Variants in C2orf66 observed in about 807,000 individuals in gnomAD.
C2orf66 encodes the protein chromosome 2 open reading frame 66, also known as uncharacterized protein C2orf66.
Under a neutral mutation model 7.0 loss-of-function variants are expected in C2orf66, and 6 were observed. The observed-to-expected ratio is 0.86, with a 90% confidence interval of 0.47 to 1.69. The LOEUF (loss-of-function observed/expected upper bound fraction) is 1.69. Among genes scored for constraint, C2orf66 ranks in the 40% most tolerant of loss-of-function variants. The pLI is 0.01. For synonymous variants in C2orf66, 38 were observed against 43.8 expected (o/e 0.87, Z 0.52); for missense variants, 107 against 112.0 (o/e 0.96, Z 0.20).
the C2orf66 span, among the ~76,000 whole-genome samples, chr2:196,820,261 T>C: frequency 9.2e-5 from 14 of 152,246 alleles, no homozygotes; most frequent in South Asian, 2.9e-3. Flanking sequence ...ATTTATTTGT[T>C]TTTCCCCTCC....
At chr2:196,807,718 T>A in intron 1 of C2orf66, 96 bp from the exon 2 acceptor site, 1 of 1,011,698 alleles carries the variant, frequency 9.9e-7, no homozygotes, top group Non-Finnish European at 1.5e-6. Flanking sequence ...GAATTGACTT[T>A]AAGGCTAATC....
At chr2:196,825,370 C>T in the C2orf66 span, among the ~76,000 whole-genome samples, 1 of 152,080 alleles carries the variant, frequency 6.6e-6, no homozygotes, top group Non-Finnish European at 1.5e-5. Context: ...GATAACACCT[C>T]ACATGTTAGA....
the C2orf66 span, among the ~76,000 whole-genome samples, chr2:196,825,222 CAAAAAAAAAAA>C: frequency 3.7e-5 from 2 of 54,304 alleles, no homozygotes; most frequent in Non-Finnish European, 7.5e-5. Flanking sequence ...GACTCTGTCT[CAAAAAAAAAAA>C]AAAAAAAAAA....
chr2:196,812,452 T>C (rs1043589828), upstream of C2orf66, among the ~76,000 whole-genome samples: 2 of 152,136 alleles, frequency 1.3e-5, no homozygotes, highest in South Asian at 2.1e-4. Context: ...AAGAGCTATT[T>C]ATCACAAACC....
chr2:196,831,699 G>A, the C2orf66 span, among the ~76,000 whole-genome samples: 2 of 152,080 alleles, frequency 1.3e-5, no homozygotes, highest in Non-Finnish European at 2.9e-5. Flanking sequence ...AGGCACACCT[G>A]GGGCAGTCAC....
upstream of C2orf66, among the ~76,000 whole-genome samples, chr2:196,811,490 T>G (rs1478353887): frequency 6.6e-6 from 1 of 152,094 alleles, no homozygotes; most frequent in Admixed American, 6.6e-5. Flanking sequence ...GTTAATGTAC[T>G]GGGTACTACG....
chr2:196,806,867 A>C (rs1265414352), intron 2 of C2orf66, among the ~76,000 whole-genome samples: 1 of 152,064 alleles, frequency 6.6e-6, no homozygotes, highest in Non-Finnish European at 1.5e-5. Flanking sequence ...ACAACAACAA[A>C]AAAAGTAATG....
chr2:196,821,046 A>T, the C2orf66 span, among the ~76,000 whole-genome samples: 1 of 152,078 alleles, frequency 6.6e-6, no homozygotes, highest in South Asian at 2.1e-4. Flanking sequence ...GCAGGGGGAG[A>T]TTTCACAGGC....
the C2orf66 span, among the ~76,000 whole-genome samples, chr2:196,831,267 C>T: frequency 5.7e-3 from 872 of 152,202 alleles, 4 homozygotes; most frequent in Non-Finnish European, 8.2e-3. Flanking sequence ...TACTCAGCCC[C>T]CCTTACTGGA....
chr2:196,817,535 G>A, the C2orf66 span, among the ~76,000 whole-genome samples: 161 of 152,068 alleles, frequency 1.1e-3, no homozygotes, highest in African/African-American at 3.4e-3. Context: ...GCACCTGGCC[G>A]CACGTATTGT....
At chr2:196,822,379 G>A in the C2orf66 span, among the ~76,000 whole-genome samples, 16 of 152,210 alleles carry the variant, frequency 1.1e-4, no homozygotes, top group African/African-American at 3.6e-4. Context: ...ATAAGCAAAC[G>A]TTTATACTCC....
the C2orf66 span, among the ~76,000 whole-genome samples, chr2:196,816,805 A>T: frequency 6.6e-6 from 1 of 152,226 alleles, no homozygotes; most frequent in Admixed American, 6.5e-5. Flanking sequence ...AGTGTAAGCC[A>T]ATTCTAAAAG....
chr2:196,818,682 T>G, the C2orf66 span, among the ~76,000 whole-genome samples: 2 of 152,220 alleles, frequency 1.3e-5, no homozygotes, highest in African/African-American at 4.8e-5. Flanking sequence ...ACACACTGAC[T>G]GAGACATAAA....
At chr2:196,818,888 G>A in the C2orf66 span, among the ~76,000 whole-genome samples, 1 of 152,216 alleles carries the variant, frequency 6.6e-6, no homozygotes, top group Non-Finnish European at 1.5e-5. Flanking sequence ...TCTCACAGCT[G>A]AGGTAAAGCT....
At chr2:196,813,183 C>T (rs1473579267), upstream of C2orf66, among the ~76,000 whole-genome samples, 1 of 152,190 alleles carries the variant, frequency 6.6e-6, no homozygotes, top group Non-Finnish European at 1.5e-5. Flanking sequence ...AACTGTCCTA[C>T]AAGGCTACAG....
At chr2:196,828,296 AG>A in the C2orf66 span, among the ~76,000 whole-genome samples, 1 of 149,262 alleles carries the variant, frequency 6.7e-6, no homozygotes, top group Non-Finnish European at 1.5e-5. Context: ...CTAGCAACCT[AG>A]GGGTGGGAGA....
chr2:196,811,673 G>C (rs919791481), upstream of C2orf66, among the ~76,000 whole-genome samples: 3 of 152,232 alleles, frequency 2.0e-5, no homozygotes, highest in Middle Eastern at 3.4e-3. Flanking sequence ...AGATTTCCTC[G>C]TGGGGTTGGA....
At chr2:196,819,838 C>T in the C2orf66 span, among the ~76,000 whole-genome samples, 2 of 152,176 alleles carry the variant, frequency 1.3e-5, no homozygotes, top group Non-Finnish European at 2.9e-5. Context: ...CAGAGATTTA[C>T]ATAATGTCAT....
chr2:196,824,048 T>A, the C2orf66 span, among the ~76,000 whole-genome samples: 47 of 151,844 alleles, frequency 3.1e-4, no homozygotes, highest in Non-Finnish European at 6.6e-4. Context: ...TTAGAAACAA[T>A]TTTTTTTCAA....
Sources: gnomAD v4.1 joint callset for allele counts (sites outside exome capture counted in the v4.1 genomes callset) on GRCh38, gnomAD v4.1.1 for gene constraint, MANE v1.5 for transcripts, NCBI Gene and HGNC (gene_info 2026-07-23, HGNC 2026-07-21) for gene names.